The following CACNG5 variants were observed in gnomAD, a reference collection of about 807,000 sequenced individuals.
CACNG5 encodes the protein calcium voltage-gated channel auxiliary subunit gamma 5.
CACNG5 carries 18 observed loss-of-function variants against 24.8 expected under a neutral mutation model. The ratio of observed to expected loss-of-function variants is 0.73; its 90% CI spans 0.50 to 1.08. The LOEUF is 1.08. Among genes scored for constraint, CACNG5 ranks in the 50% least tolerant of loss-of-function variants. The pLI, the probability that CACNG5 is intolerant of heterozygous loss-of-function variation, is 0.00. For synonymous variants in CACNG5, 157 were observed against 149.1 expected (o/e 1.05, Z -0.39); for missense variants, 349 against 367.9 (o/e 0.95, Z 0.42).
intron 1 of CACNG5, among the ~76,000 whole-genome samples, chr17:66,851,067 A>G (rs529487958): frequency 1.2e-4 from 19 of 152,068 alleles, no homozygotes; most frequent in Admixed American, 3.3e-4. Context: ...CTCCCCCTCC[A>G]TGAAGGGGAG....
chr17:66,874,296 T>C (rs1977047630), intron 1 of CACNG5, among the ~76,000 whole-genome samples: 1 of 152,232 alleles, frequency 6.6e-6, no homozygotes, highest in African/African-American at 2.4e-5. Flanking sequence ...TCCTCCATGT[T>C]ATCCAGGAGA....
chr17:66,851,427 C>T (rs904437185), intron 1 of CACNG5, among the ~76,000 whole-genome samples: 1 of 152,142 alleles, frequency 6.6e-6, no homozygotes, highest in African/African-American at 2.4e-5. Context: ...AATTACAGAC[C>T]ACATGAGAGC....
intron 1 of CACNG5, among the ~76,000 whole-genome samples, chr17:66,871,777 G>A (rs1447147134): frequency 5.3e-5 from 8 of 151,504 alleles, no homozygotes; most frequent in Non-Finnish European, 5.9e-5. Flanking sequence ...GGAGAATGGC[G>A]TGCACCTGGG....
At chr17:66,884,457 C>T (rs982283481) in intron 4 of CACNG5, 59 bp from the exon 5 acceptor site, 1 of 1,538,146 alleles carries the variant, frequency 6.5e-7, no homozygotes, top group Non-Finnish European at 8.7e-7. Flanking sequence ...TGGGTGCCAC[C>T]TCAGCAAACT....
chr17:66,835,939 C>T (rs934009716), intron 1 of CACNG5, among the ~76,000 whole-genome samples: 12 of 152,220 alleles, frequency 7.9e-5, no homozygotes, highest in African/African-American at 2.2e-4. Context: ...TGTGATTCCC[C>T]GATCTTTGCT....
At chr17:66,837,994 G>A (rs1370840270) in intron 1 of CACNG5, among the ~76,000 whole-genome samples, 5 of 152,070 alleles carry the variant, frequency 3.3e-5, no homozygotes, top group African/African-American at 7.2e-5. Context: ...CAGCCTGTTC[G>A]AGAGGTGAAA....
At position 66,889,162 on chromosome 17, in the gene CACNG5, T is replaced by C. The variant is rs1041148707; in HGVS notation, c.*3922T>C. Among the ~76,000 whole-genome samples, 1 of 152,230 alleles carries C rather than the reference T, an allele frequency of 6.6e-6. No homozygotes were observed. The highest frequency in any genetic ancestry group is 1.5e-5 in the Non-Finnish European group (1 of 68,046). On this transcript the variant is annotated 3_prime_UTR_variant, in exon 6 of 6. Transcript: ENST00000533854. Reference sequence around the variant, plus strand: ...TTTTAGTAGAGATGGGGTTTCCCCATGTTGGCCACGTTGGTCTTGAACTCC... The same window carrying C: ...TTTTAGTAGAGATGGGGTTTCCCCACGTTGGCCACGTTGGTCTTGAACTCC...
chr17:66,855,798 T>C (rs573067196), intron 1 of CACNG5, among the ~76,000 whole-genome samples: 23 of 152,292 alleles, frequency 1.5e-4, no homozygotes, highest in African/African-American at 5.5e-4. Flanking sequence ...CACCCGGCCA[T>C]GCATATGTAT....
chr17:66,851,520 A>G (rs1568063848), intron 1 of CACNG5, among the ~76,000 whole-genome samples: 2 of 152,210 alleles, frequency 1.3e-5, no homozygotes, highest in Admixed American at 1.3e-4. Context: ...AACAGTGTGG[A>G]AAAGTCTATA....
Position 66,892,157 on chromosome 17 carries a change from G to A in CACNG5, c.*6917G>A, listed in dbSNP as rs1048464155. Among the ~76,000 whole-genome samples the A allele has an allele frequency of 6.6e-6, 1 of 152,206 alleles. No homozygotes were observed. The highest frequency in any genetic ancestry group is 2.4e-5 in the African/African-American group (1 of 41,444). ...GTGCTGGGTGGACTCCTGAGGAGGT[G>A]GAAGCCCCAGGGACCTCCCCCCACT... On this transcript the variant is annotated 3_prime_UTR_variant, in exon 6 of 6. Coordinates refer to ENST00000533854, the MANE Select transcript of CACNG5 (RefSeq NM_145811.3).
At chr17:66,875,212 A>G (rs942710975) in intron 1 of CACNG5, among the ~76,000 whole-genome samples, 1 of 152,068 alleles carries the variant, frequency 6.6e-6, no homozygotes, top group Non-Finnish European at 1.5e-5. Flanking sequence ...TAGGCGCTTT[A>G]CTAGATACTC....
At chr17:66,853,638 A>G (rs1258018513) in intron 1 of CACNG5, among the ~76,000 whole-genome samples, 1 of 152,244 alleles carries the variant, frequency 6.6e-6, no homozygotes, top group Admixed American at 6.5e-5. Context: ...AAAGCAAGCT[A>G]TGTCCCAGTA....
At chr17:66,845,893 C>T (rs977765227) in intron 1 of CACNG5, among the ~76,000 whole-genome samples, 12 of 152,156 alleles carry the variant, frequency 7.9e-5, no homozygotes, top group Non-Finnish European at 1.8e-4. Flanking sequence ...CTCTGGGAGG[C>T]AGGGAGCCAC....
At chr17:66,853,503 A>G (rs943273219) in intron 1 of CACNG5, among the ~76,000 whole-genome samples, 1 of 152,204 alleles carries the variant, frequency 6.6e-6, no homozygotes, top group African/African-American at 2.4e-5. Context: ...CTTCTCCAAT[A>G]TTTAGTATGG....
Position 66,859,219 on chromosome 17 carries a change from C to T in CACNG5, c.-103-18011C>T, listed in dbSNP as rs745332588. Among the ~76,000 whole-genome samples the T allele has an allele frequency of 2.6e-5, 4 of 152,310 alleles. No homozygotes were observed. In the East Asian group the frequency reaches 5.8e-4, roughly 22 times the overall value. Reference sequence around the variant, plus strand: ...CCTTCTGCATCTAGTTCAAGAGCCTCGCCCTGAAGTAGCTGGTACATCATT... The same window carrying T: ...CCTTCTGCATCTAGTTCAAGAGCCTTGCCCTGAAGTAGCTGGTACATCATT... On this transcript the variant is annotated intron_variant, in intron 1 of 5. Coordinates refer to ENST00000533854, the MANE Select transcript of CACNG5 (RefSeq NM_145811.3).
At chr17:66,875,728 C>T (rs1977066831) in intron 1 of CACNG5, among the ~76,000 whole-genome samples, 2 of 152,246 alleles carry the variant, frequency 1.3e-5, no homozygotes, top group Admixed American at 1.3e-4. Flanking sequence ...CGAAGCACTG[C>T]TGCACCTCTT....
chr17:66,873,157 T>A (rs1164194690), intron 1 of CACNG5, among the ~76,000 whole-genome samples: 1 of 152,214 alleles, frequency 6.6e-6, no homozygotes, highest in Admixed American at 6.5e-5. Context: ...GAGGTCCTGA[T>A]GAAACCCTGT....
intron 1 of CACNG5, among the ~76,000 whole-genome samples, chr17:66,858,313 C>T (rs919438734): frequency 6.6e-6 from 1 of 152,132 alleles, no homozygotes; most frequent in Non-Finnish European, 1.5e-5. Flanking sequence ...TTTCTGGACC[C>T]GGGAGTGAAG....
At chr17:66,879,515 C>T (rs1171773989) in intron 3 of CACNG5, among the ~76,000 whole-genome samples, 1 of 152,140 alleles carries the variant, frequency 6.6e-6, no homozygotes, top group Admixed American at 6.5e-5. Flanking sequence ...CCAATTAGCT[C>T]CAAATATGGG....
Sources: gnomAD v4.1 joint callset for allele counts (sites outside exome capture counted in the v4.1 genomes callset) on GRCh38, gnomAD v4.1.1 for gene constraint, MANE v1.5 for transcripts, NCBI Gene and HGNC (gene_info 2026-07-23, HGNC 2026-07-21) for gene names.